KATNAL2: variants seen among roughly 807,000 people sequenced by gnomAD.
KATNAL2 encodes katanin catalytic subunit A1 like 2, also known as katanin p60 ATPase-containing subunit A-like 2.
In KATNAL2, 52 loss-of-function variants were observed where a neutral mutation model predicts 76.3. That is an observed-to-expected ratio of 0.68 (90% CI 0.55 to 0.86). KATNAL2 has a LOEUF of 0.86. KATNAL2 is among the 40% of genes least tolerant of loss of function. The pLI, the probability that KATNAL2 is intolerant of heterozygous loss-of-function variation, is 0.00. For missense variants in KATNAL2, 660 were observed against 668.9 expected, an observed-to-expected ratio of 0.99 and a Z score of 0.15; for synonymous variants, 243 against 244.2, an observed-to-expected ratio of 1.00 and a Z score of 0.05.
At chr18:47,034,388 G>C (rs759103903) in intron 3 of KATNAL2, 2 of 1,613,888 alleles carry the variant, frequency 1.2e-6, no homozygotes, top group South Asian at 1.1e-5. Context: ...GCAGGGACAC[G>C]CTGGCCGCTG....
chr18:47,051,267 A>T (rs1432135278), intron 4 of KATNAL2, among the ~76,000 whole-genome samples: 2 of 151,872 alleles, frequency 1.3e-5, no homozygotes, highest in Non-Finnish European at 2.9e-5. Context: ...CTCTACAAAA[A>T]ATAAAATAAA....
Position 46,946,248 on chromosome 18 carries a change from C to T in KATNAL2, c.-318C>T. 1 of 1,107,166 alleles carries T rather than the reference C, an allele frequency of 9.0e-7. No homozygotes were observed. The highest frequency in any genetic ancestry group is 1.1e-6 in the Non-Finnish European group (1 of 897,470). The allele number at this position is 1,107,166 out of a possible 1,614,324, so 68.6% of individuals were successfully genotyped here. The stretch of plus-strand genomic sequence containing the variant: ...AAAATAGAGCAGAGGAAAACACGTC[C>T]ATGTTTTTCCACGTCTAATGAGAAC... On this transcript the variant is annotated 5_prime_UTR_variant, in exon 2 of 18. Transcript: ENST00000683218.
chr18:47,071,126 A>G (rs1392875190), intron 13 of KATNAL2, among the ~76,000 whole-genome samples: 1 of 152,176 alleles, frequency 6.6e-6, no homozygotes, highest in African/African-American at 2.4e-5. Context: ...GGGACTCCCC[A>G]GTAGCTGAGA....
At chr18:47,047,520 A>G (rs936320144) in intron 4 of KATNAL2, among the ~76,000 whole-genome samples, 2 of 152,008 alleles carry the variant, frequency 1.3e-5, no homozygotes, top group Admixed American at 1.3e-4. Flanking sequence ...AAATTTAAAA[A>G]CTTTTGGGTT....
At chr18:47,075,222 T>C in intron 13 of KATNAL2, 55 bp from the exon 14 acceptor site, 3 of 1,387,746 alleles carry the variant, frequency 2.2e-6, no homozygotes, top group Non-Finnish European at 2.9e-6. Context: ...TCTGGGAGCA[T>C]CTGAGGACTT....
intron 15 of KATNAL2, among the ~76,000 whole-genome samples, chr18:47,093,940 C>CT (rs2063117747): frequency 6.6e-6 from 1 of 152,136 alleles, no homozygotes; most frequent in African/African-American, 2.4e-5. Context: ...TTTCTCTATT[C>CT]TTTTTAAATG....
At chr18:46,924,272 C>T (rs558138271) in intron 1 of KATNAL2, among the ~76,000 whole-genome samples, 1 of 152,172 alleles carries the variant, frequency 6.6e-6, no homozygotes. Flanking sequence ...AGGGAGGGAT[C>T]CAGTTTCAGC....
chr18:46,942,706 G>T (rs1369508028), intron 1 of KATNAL2, among the ~76,000 whole-genome samples: 1 of 152,030 alleles, frequency 6.6e-6, no homozygotes, highest in African/African-American at 2.4e-5. Flanking sequence ...TTCCTTTCTT[G>T]ATTACAATAA....
chr18:47,075,321 CCT>C lies in KATNAL2; in HGVS notation c.1054_1055del (p.Leu352GlyfsTer19). The C allele has an allele frequency of 6.4e-7, 1 of 1,560,712 alleles. No individual in the cohort carries two copies. Among genetic ancestry groups the C allele is most frequent in the East Asian group, 2.5e-5 (1 of 40,200 alleles). On this transcript the variant is annotated frameshift_variant, in exon 14 of 18. Coordinates refer to ENST00000683218, the MANE Select transcript of KATNAL2 (RefSeq NM_001387690.1). LOFTEE classifies it high-confidence loss of function. ...ARYHAPSTIF[L>X]DELESVMSQR... ...GCTACCACGCCCCATCCACGATCTT[CCT>C]GGACGAGCTGGAGTCGGTGATGAGT...
At chr18:46,930,543 C>T (rs557972735) in intron 1 of KATNAL2, among the ~76,000 whole-genome samples, 18 of 152,252 alleles carry the variant, frequency 1.2e-4, no homozygotes, top group Non-Finnish European at 2.1e-4. Context: ...AGGCCGGGTG[C>T]GACGGCTCAC....
At chr18:46,936,511 G>A (rs889480770) in intron 1 of KATNAL2, among the ~76,000 whole-genome samples, 2 of 152,146 alleles carry the variant, frequency 1.3e-5, no homozygotes, top group African/African-American at 4.8e-5. Context: ...AGGCTCAGGT[G>A]GGGGGATCGA....
At position 47,046,813 on chromosome 18, in the gene KATNAL2, C is replaced by CTG. The variant is rs1301652354; in HGVS notation, c.122+289_122+290dup. On this transcript the variant is annotated intron_variant, in intron 4 of 17. Coordinates refer to ENST00000683218, the MANE Select transcript of KATNAL2 (RefSeq NM_001387690.1). ...GGTATACTCTTTGTGTTATATTGTG[C>CTG]TGTGAGTTTTGACAAATGCGTAATG... 3.3e-5 allele frequency among the ~76,000 whole-genome samples: 5 copies of CTG among 152,250 alleles called. No individual in the cohort carries two copies. In the East Asian group the frequency reaches 7.7e-4, roughly 24 times the overall value.
intron 3 of KATNAL2, among the ~76,000 whole-genome samples, chr18:47,045,299 GGTTT>G (rs917052845): frequency 1.5e-4 from 22 of 145,490 alleles, no homozygotes; most frequent in Non-Finnish European, 1.4e-4. Flanking sequence ...TTTGGTTTTT[GGTTT>G]GTTTGTTTTT....
At chr18:46,961,424 T>G (rs2059946511) in intron 3 of KATNAL2, among the ~76,000 whole-genome samples, 1 of 152,224 alleles carries the variant, frequency 6.6e-6, no homozygotes, top group South Asian at 2.1e-4. Context: ...TGACAGCGAT[T>G]CATGTAATAC....
At position 47,099,246 on chromosome 18, in the gene KATNAL2, G is replaced by A; in HGVS notation, c.1215G>A (p.Glu405=). ...TCCATTTCTGGTGTGATTTCAGGGA[G>A]CTGGACTGTGCCATGTTACGCCGCC... ...FVLAASNLPW[E]LDCAMLRRLE... Residue 405 remains glutamate, a synonymous_variant, in exon 16 of 18, where the codon GAG becomes GAA. Coordinates refer to ENST00000683218, the MANE Select transcript of KATNAL2 (RefSeq NM_001387690.1). 1 of 1,612,172 alleles carries A rather than the reference G, an allele frequency of 6.2e-7. No homozygotes were observed. Among genetic ancestry groups the A allele is most frequent in the East Asian group, 2.2e-5 (1 of 44,868 alleles).
At chr18:47,037,383 A>G (rs2060816103) in intron 3 of KATNAL2, among the ~76,000 whole-genome samples, 2 of 152,224 alleles carry the variant, frequency 1.3e-5, no homozygotes, top group Admixed American at 6.5e-5. Flanking sequence ...GATTATTGAA[A>G]CATGCAAATG....
intron 3 of KATNAL2, among the ~76,000 whole-genome samples, chr18:46,950,234 T>C (rs1190314850): frequency 1.3e-5 from 2 of 152,220 alleles, no homozygotes; most frequent in Admixed American, 6.5e-5. Flanking sequence ...AGCCTTATTT[T>C]TTGTTTTAGT....
chr18:46,950,091 C>G (rs2059505180), intron 3 of KATNAL2, among the ~76,000 whole-genome samples: 1 of 152,234 alleles, frequency 6.6e-6, no homozygotes, highest in South Asian at 2.1e-4. Context: ...TCTCCCTAAT[C>G]TAACGTCTGA....
At chr18:47,049,724 T>G (rs778528434) in intron 4 of KATNAL2, among the ~76,000 whole-genome samples, 1 of 152,192 alleles carries the variant, frequency 6.6e-6, no homozygotes, top group Non-Finnish European at 1.5e-5. Context: ...TTATTGTGGT[T>G]GTTGTTTTGG....
Sources: gnomAD v4.1 joint callset for allele counts (sites outside exome capture counted in the v4.1 genomes callset) on GRCh38, gnomAD v4.1.1 for gene constraint, MANE v1.5 for transcripts, NCBI Gene and HGNC (gene_info 2026-07-23, HGNC 2026-07-21) for gene names.